Variants in STAG2 observed in about 807,000 individuals in gnomAD.
STAG2 encodes STAG2 cohesin complex component.
Under a neutral mutation model 108.1 loss-of-function variants are expected in STAG2, and 14 were observed. That is an observed-to-expected ratio of 0.13 (90% CI 0.09 to 0.20). The LOEUF (loss-of-function observed/expected upper bound fraction) is 0.20, where lower values mean the gene tolerates loss of function less well. Among genes scored for constraint, STAG2 ranks in the 10% least tolerant of loss-of-function variants. The pLI is 1.00. For synonymous variants in STAG2, 307 were observed against 302.7 expected (o/e 1.01, Z -0.15); for missense variants, 440 against 940.9 (o/e 0.47, Z 6.96).
chrX:123,980,629 G>A (rs1210501237), intron 1 of STAG2, among the ~76,000 whole-genome samples: 5 of 111,593 alleles, frequency 4.5e-5, no homozygotes, highest in Admixed American at 3.8e-4. Context: ...CTGGGTCCCA[G>A]GTTACAAATA....
chrX:124,065,848 GT>G, intron 20 of STAG2, 27 bp from the exon 21 acceptor site: 2 of 1,047,887 alleles, frequency 1.9e-6, no homozygotes, highest in Non-Finnish European at 2.6e-6. Context: ...CACTTTGATG[GT>G]TCTTAATGTA....
rs189385041 is a variant in STAG2, at chrX:124,064,724, G to A, written c.2025+673G>A. 6.2e-3 allele frequency among the ~76,000 whole-genome samples: 691 copies of A among 111,394 alleles called. 9 individuals carry two copies. The highest frequency in any genetic ancestry group is 0.022 in the African/African-American group (659 of 30,621). ...CTTGCAAAGTGCTGGGATTACAGGCGTGAGCCACACATCCAGTCTGGGTTT... is the reference window on the plus strand; with the variant it reads ...CTTGCAAAGTGCTGGGATTACAGGCATGAGCCACACATCCAGTCTGGGTTT... On this transcript the variant is annotated intron_variant, in intron 20 of 34. Coordinates refer to ENST00000371145, the MANE Select transcript of STAG2 (RefSeq NM_001042750.2).
intron 9 of STAG2, 96 bp downstream of exon 9, chrX:124,047,601 T>G: frequency 1.4e-6 from 1 of 734,922 alleles, no homozygotes; most frequent in Non-Finnish European, 2.0e-6. Flanking sequence ...TAATTGTTTT[T>G]GAAATATTTA....
At chrX:124,057,715 G>A (rs1018070649) in intron 14 of STAG2, 151 bp from the exon 15 acceptor site, 23 of 307,713 alleles carry the variant, frequency 7.5e-5, no homozygotes, top group South Asian at 1.5e-4. Context: ...AATTATTTGC[G>A]TGGTGTGCCA....
At chrX:124,094,511 T>G (rs1030709069) in intron 33 of STAG2, among the ~76,000 whole-genome samples, 6 of 112,361 alleles carry the variant, frequency 5.3e-5, no homozygotes, top group Non-Finnish European at 1.1e-4. Context: ...AACAATATAT[T>G]AATACTACTT....
intron 6 of STAG2, among the ~76,000 whole-genome samples, chrX:124,041,036 T>C (rs750739663): frequency 9.4e-6 from 1 of 106,760 alleles, no homozygotes; most frequent in Non-Finnish European, 1.9e-5. Flanking sequence ...TTTTTAGTAG[T>C]GACGGGGTTT....
chrX:124,077,636 A>G lies in STAG2; in HGVS notation c.2674-321A>G, dbSNP rs979742431. 2.7e-5 allele frequency among the ~76,000 whole-genome samples: 3 copies of G among 111,935 alleles called. No homozygotes were observed. In the Admixed American group the frequency reaches 2.9e-4, roughly 11 times the overall value. On this transcript the variant is annotated intron_variant, in intron 26 of 34. Transcript: ENST00000371145. ...TTTACAAAGAGAATTTTGTTTGTAC[A>G]TTTTGTGTTACTTCTGAAAATCTGC... is the stretch of plus-strand genomic sequence containing the variant.
Position 123,993,756 on chromosome X carries a change from T to G in STAG2, c.-162-27611T>G, listed in dbSNP as rs761879807. Among the ~76,000 whole-genome samples the G allele has an allele frequency of 3.6e-5, 4 of 111,851 alleles. No individual in the cohort carries two copies. In the South Asian group the frequency reaches 1.1e-3, roughly 31 times the overall value. On this transcript the variant is annotated intron_variant, in intron 1 of 34. Coordinates refer to ENST00000371145, the MANE Select transcript of STAG2 (RefSeq NM_001042750.2). ...GGGATTTATGAATAATACAAATACC[T>G]GAGACCTGTATACAGATCTACTGAA...
intron 25 of STAG2, 133 bp from the exon 26 acceptor site, chrX:124,076,194 TGAATG>T (rs2058799166): frequency 6.8e-6 from 4 of 592,107 alleles, no homozygotes; most frequent in African/African-American, 2.3e-5. Flanking sequence ...GAATAAATTA[TGAATG>T]GTTATAATTT....
intron 13 of STAG2, among the ~76,000 whole-genome samples, chrX:124,054,296 A>G (rs1838119377): frequency 8.9e-6 from 1 of 112,241 alleles, no homozygotes; most frequent in Non-Finnish European, 1.9e-5. Flanking sequence ...TTCATTTAAT[A>G]CTGCAGCTCA....
At chrX:124,069,947 A>G (rs2058626596) in intron 24 of STAG2, among the ~76,000 whole-genome samples, 1 of 111,914 alleles carries the variant, frequency 8.9e-6, no homozygotes, top group Non-Finnish European at 1.9e-5. Context: ...ATATTACTTT[A>G]TAATTGCATG....
At chrX:124,063,386 G>A (rs1359103718) in intron 19 of STAG2, among the ~76,000 whole-genome samples, 181 bp downstream of exon 19, 1 of 111,148 alleles carries the variant, frequency 9.0e-6, no homozygotes, top group African/African-American at 3.3e-5. Flanking sequence ...GCTTCCCTTT[G>A]CTTCATGCCC....
At chrX:124,019,084 G>A (rs1312545280) in intron 1 of STAG2, among the ~76,000 whole-genome samples, 1 of 86,938 alleles carries the variant, frequency 1.2e-5, no homozygotes, top group Non-Finnish European at 2.2e-5. Flanking sequence ...TATTTAAGAT[G>A]GAGTCTCGCT....
intron 13 of STAG2, among the ~76,000 whole-genome samples, chrX:124,053,127 A>G (rs1334228873): frequency 1.8e-5 from 2 of 111,809 alleles, no homozygotes; most frequent in Non-Finnish European, 3.8e-5. Context: ...AAGATTTCCA[A>G]TTTCTGTACG....
intron 1 of STAG2, among the ~76,000 whole-genome samples, chrX:123,990,285 T>C (rs12689746): frequency 0.16 from 17,890 of 110,849 alleles, 1,185 homozygotes; most frequent in South Asian, 0.37. Context: ...AAGCAAGCAA[T>C]TGGGGGCTGA....
At chrX:124,004,536 T>C (rs1404707377) in intron 1 of STAG2, among the ~76,000 whole-genome samples, 2 of 111,773 alleles carry the variant, frequency 1.8e-5, no homozygotes, top group Non-Finnish European at 3.8e-5. Context: ...ATAATTTCCT[T>C]CCCTTTTAAG....
intron 1 of STAG2, among the ~76,000 whole-genome samples, chrX:123,967,502 G>T (rs971625779): frequency 2.7e-5 from 3 of 111,090 alleles, no homozygotes; most frequent in African/African-American, 9.8e-5. Context: ...CCGACCTCAG[G>T]TGATCTGCCT....
chrX:124,040,744 C>T (rs2057685397), intron 6 of STAG2, among the ~76,000 whole-genome samples: 1 of 109,090 alleles, frequency 9.2e-6, no homozygotes. Context: ...AGGTATACAG[C>T]ACCTGGGTAT....
chrX:124,032,849 T>G (rs957467339), intron 5 of STAG2, among the ~76,000 whole-genome samples: 3 of 112,421 alleles, frequency 2.7e-5, no homozygotes, highest in African/African-American at 9.7e-5. Context: ...AATGGTTATC[T>G]GAGAACTATC....
Sources: allele counts gnomAD v4.1 joint callset (sites outside exome capture counted in the v4.1 genomes callset), GRCh38; gene constraint gnomAD v4.1.1; transcripts MANE v1.5; gene names NCBI Gene and HGNC (gene_info 2026-07-23, HGNC 2026-07-21).